Variants in GPATCH2 observed in about 807,000 individuals in gnomAD.
The protein encoded by GPATCH2 is G-patch domain containing 2, also known as G patch domain-containing protein 2.
GPATCH2 carries 51 observed loss-of-function variants against 58.0 expected under a neutral mutation model. The ratio of observed to expected loss-of-function variants is 0.88; its 90% CI spans 0.70 to 1.11. The LOEUF (loss-of-function observed/expected upper bound fraction) is 1.11, where lower values mean the gene tolerates loss of function less well. GPATCH2 is among the 50% of genes most tolerant of loss of function. The probability of loss-of-function intolerance (pLI) is 0.00; values close to 1 mark genes in which losing one functional copy is unlikely to be tolerated. For synonymous variants in GPATCH2, 222 were observed against 218.5 expected (o/e 1.02, Z -0.14); for missense variants, 625 against 652.2 (o/e 0.96, Z 0.45).
intron 6 of GPATCH2, among the ~76,000 whole-genome samples, chr1:217,506,415 A>G (rs1662566122): frequency 6.6e-6 from 1 of 152,210 alleles, no homozygotes; most frequent in African/African-American, 2.4e-5. Context: ...TCCTAACCCA[A>G]TATACTATAA....
chr1:217,585,503 C>A (rs1324753388), intron 5 of GPATCH2, among the ~76,000 whole-genome samples: 1 of 152,068 alleles, frequency 6.6e-6, no homozygotes, highest in Non-Finnish European at 1.5e-5. Context: ...TCCTGTAGTT[C>A]CAGCTACTCG....
In GPATCH2 at chr1:217,591,679, T is replaced by G. The variant is rs187185959; in HGVS notation, c.1098+18642A>C. Reference sequence around the variant, plus strand: ...TGTTAGTCTACACTATTGACAGTAATAGAGAAAACCCTAAACCTTAGCAAT... The same window carrying G: ...TGTTAGTCTACACTATTGACAGTAAGAGAGAAAACCCTAAACCTTAGCAAT... On this transcript the variant is annotated intron_variant, in intron 5 of 9. Transcript: ENST00000366935. Among the ~76,000 whole-genome samples, 1,297 of 152,226 alleles carry G rather than the reference T, an allele frequency of 8.5e-3. 11 individuals carry two copies. Among genetic ancestry groups the G allele is most frequent in the Non-Finnish European group, 0.012 (798 of 67,948 alleles).
At chr1:217,463,110 C>A (rs560125617) in intron 8 of GPATCH2, among the ~76,000 whole-genome samples, 145 of 152,124 alleles carry the variant, frequency 9.5e-4, no homozygotes, top group African/African-American at 3.3e-3. Flanking sequence ...ATCATAAGTA[C>A]AAAAGAGTAA....
intron 8 of GPATCH2, among the ~76,000 whole-genome samples, chr1:217,460,741 T>C (rs1038351851): frequency 1.3e-5 from 2 of 152,240 alleles, no homozygotes; most frequent in African/African-American, 4.8e-5. Context: ...ACTTATTTAA[T>C]TTATGCAGTT....
chr1:217,565,408 T>C (rs1415560887), intron 5 of GPATCH2, among the ~76,000 whole-genome samples: 2 of 152,218 alleles, frequency 1.3e-5, no homozygotes, highest in African/African-American at 4.8e-5. Flanking sequence ...GTTATTATTC[T>C]TTACGAAATT....
At chr1:217,555,810 C>T (rs2102680139) in intron 5 of GPATCH2, among the ~76,000 whole-genome samples, 1 of 152,290 alleles carries the variant, frequency 6.6e-6, no homozygotes, top group African/African-American at 2.4e-5. Context: ...AACATCTGCA[C>T]TTCACCTTAA....
Position 217,467,438 on chromosome 1 carries a change from C to T in GPATCH2, c.1278-18101G>A, listed in dbSNP as rs957546834. ...AAAATGATTGCATATTCCTAGCGTA[C>T]TTATAGTAAGTACCAAATAAAAATA... On this transcript the variant is annotated intron_variant, in intron 8 of 9. Transcript: ENST00000366935. 7.2e-5 allele frequency among the ~76,000 whole-genome samples: 11 copies of T among 151,874 alleles called. No individual in the cohort carries two copies. In the East Asian group the frequency reaches 1.9e-3, roughly 27 times the overall value.
intron 9 of GPATCH2, among the ~76,000 whole-genome samples, chr1:217,435,540 A>G (rs1052303883): frequency 2.6e-5 from 4 of 152,208 alleles, no homozygotes; most frequent in Non-Finnish European, 4.4e-5. Context: ...GCTGCTTCCC[A>G]TAGAACAGCT....
In GPATCH2 at chr1:217,428,371, G is replaced by C. The variant is rs1311563588; in HGVS notation, c.*2774C>G. On this transcript the variant is annotated 3_prime_UTR_variant, in exon 10 of 10. Transcript: ENST00000366935. ...ATAAATGATACATTCTAAATCTTGG[G>C]GTTCTATGGACGTTGTAACTGGCAA... is the stretch of plus-strand genomic sequence containing the variant. 1 of 152,070 alleles carries C rather than the reference G, an allele frequency of 6.6e-6. No homozygotes were observed. The highest frequency in any genetic ancestry group is 2.4e-5 in the African/African-American group (1 of 41,424). The allele number at this position is 152,070 out of a possible 1,614,324, so 9.4% of individuals were successfully genotyped here. A position where few individuals can be genotyped will look rare whatever the true frequency, so the allele number is the denominator to read the frequency against.
intron 5 of GPATCH2, among the ~76,000 whole-genome samples, chr1:217,520,601 G>A (rs1161530185): frequency 2.0e-5 from 3 of 152,064 alleles, no homozygotes; most frequent in Non-Finnish European, 4.4e-5. Context: ...TTATAGTATA[G>A]TGGGTGAAAC....
intron 8 of GPATCH2, among the ~76,000 whole-genome samples, chr1:217,472,417 T>C (rs934074353): frequency 6.7e-6 from 1 of 148,194 alleles, no homozygotes; most frequent in Non-Finnish European, 1.5e-5. Flanking sequence ...TTCTCCCGCC[T>C]CAGCCTCCCG....
In GPATCH2 at chr1:217,581,776, C is replaced by A. The variant is rs1480703350; in HGVS notation, c.1098+28545G>T. Reference sequence around the variant, plus strand: ...GACCAGCCTGGCCAACATGGTGAAACCCCATCTCTACTAAAAATACAAAAA... The same window carrying A: ...GACCAGCCTGGCCAACATGGTGAAAACCCATCTCTACTAAAAATACAAAAA... On this transcript the variant is annotated intron_variant, in intron 5 of 9. Coordinates refer to ENST00000366935, the MANE Select transcript of GPATCH2 (RefSeq NM_018040.5). Among the ~76,000 whole-genome samples the A allele has an allele frequency of 2.0e-5, 3 of 152,052 alleles. No individual in the cohort carries two copies. The East Asian group carries it at 5.8e-4, about 29-fold the overall frequency.
At chr1:217,616,706 C>T (rs181627780) in intron 2 of GPATCH2, among the ~76,000 whole-genome samples, 235 of 152,282 alleles carry the variant, frequency 1.5e-3, no homozygotes, top group Middle Eastern at 3.4e-3. Flanking sequence ...TACGGCTTAT[C>T]TCCAAAGACA....
chr1:217,513,411 C>G (rs1212632057), intron 6 of GPATCH2, among the ~76,000 whole-genome samples: 1 of 152,090 alleles, frequency 6.6e-6, no homozygotes. Context: ...GAACAATAAT[C>G]TCTATTTTAT....
chr1:217,620,992 T>C (rs1278579581), intron 1 of GPATCH2, among the ~76,000 whole-genome samples: 2 of 152,184 alleles, frequency 1.3e-5, no homozygotes, highest in Non-Finnish European at 2.9e-5. Context: ...GACAGGTAGT[T>C]TCAGGATTAG....
intron 8 of GPATCH2, among the ~76,000 whole-genome samples, chr1:217,458,310 A>T (rs1005668300): frequency 6.6e-6 from 1 of 152,172 alleles, no homozygotes; most frequent in Non-Finnish European, 1.5e-5. Context: ...GTCCAATGAT[A>T]TCATTCCTTG....
chr1:217,579,919 T>C (rs1666981589), intron 5 of GPATCH2, among the ~76,000 whole-genome samples: 1 of 152,166 alleles, frequency 6.6e-6, no homozygotes, highest in African/African-American at 2.4e-5. Context: ...CCTTTAGCTG[T>C]GCCATCCAAT....
At chr1:217,581,269 G>C (rs1254515437) in intron 5 of GPATCH2, among the ~76,000 whole-genome samples, 1 of 152,096 alleles carries the variant, frequency 6.6e-6, no homozygotes. Context: ...AAAAACTATT[G>C]ATTTCAAAAC....
At chr1:217,435,363 T>C (rs1006293266) in intron 9 of GPATCH2, among the ~76,000 whole-genome samples, 1 of 152,212 alleles carries the variant, frequency 6.6e-6, no homozygotes, top group African/African-American at 2.4e-5. Context: ...TGGAGGGTAA[T>C]TCACTTGCAT....
Sources: allele counts gnomAD v4.1 joint callset (sites outside exome capture counted in the v4.1 genomes callset), GRCh38; gene constraint gnomAD v4.1.1; transcripts MANE v1.5; gene names NCBI Gene and HGNC (gene_info 2026-07-23, HGNC 2026-07-21).